Variants in THOC2 observed in about 807,000 individuals in gnomAD.
THOC2 encodes THO complex subunit 2.
THOC2 carries 10 observed loss-of-function variants against 128.4 expected under a neutral mutation model. The observed-to-expected ratio is 0.08, with a 90% CI of 0.05 to 0.13. The LOEUF is 0.13. Among genes scored for constraint, THOC2 ranks in the 10% least tolerant of loss-of-function variants. THOC2 has a pLI of 1.00. For synonymous variants in THOC2, 393 were observed against 396.9 expected (o/e 0.99, Z 0.12); for missense variants, 535 against 1,155.7 (o/e 0.46, Z 7.79).
intron 4 of THOC2, among the ~76,000 whole-genome samples, chrX:123,702,963 GA>G (rs2050767533): frequency 1.8e-5 from 2 of 110,939 alleles, no homozygotes; most frequent in Non-Finnish European, 3.8e-5. Context: ...ATTTATTCTG[GA>G]AAAATAAAGA....
chrX:123,644,603 T>A lies in THOC2; in HGVS notation c.1633A>T (p.Thr545Ser), dbSNP rs1327349374. 8.3e-7 allele frequency: 1 copy of A among 1,202,756 alleles called. No homozygotes were observed. Among genetic ancestry groups the A allele is most frequent in the Non-Finnish European group, 1.1e-6 (1 of 889,553 alleles). Residue 545 changes from threonine (T) to serine (S), a missense_variant, in exon 15 of 39, where the codon ACA becomes TCA. Thr to Ser is a moderately conservative substitution (Grantham distance 58, BLOSUM62 1). Transcript: ENST00000245838. ...HPLLVKVKAQ[T>S]IDRAKYIMKR... is the part of the protein sequence containing the mutation. ...ATGATATATTTGGCTCTGTCTATTG[T>A]TTGAGCTTTAACTTTTACTAAAAGT...
At chrX:123,627,991 C>T (rs1165117076) in intron 22 of THOC2, 23 bp from the exon 23 acceptor site, 2 of 1,070,753 alleles carry the variant, frequency 1.9e-6, no homozygotes, top group African/African-American at 1.8e-5. Flanking sequence ...AGTAAAAATA[C>T]ATACATACAT....
At chrX:123,663,924 C>T (rs2048947563) in intron 12 of THOC2, among the ~76,000 whole-genome samples, 1 of 111,267 alleles carries the variant, frequency 9.0e-6, no homozygotes, top group African/African-American at 3.3e-5. Flanking sequence ...CAGCTTCATC[C>T]ATGTCCCTGC....
chrX:123,639,580 G>T (rs1027182697), intron 16 of THOC2, among the ~76,000 whole-genome samples: 9 of 111,265 alleles, frequency 8.1e-5, no homozygotes, highest in Non-Finnish European at 1.7e-4. Flanking sequence ...ACTGATTTTT[G>T]TATGTTGATT....
intron 38 of THOC2, chrX:123,601,732 A>G (rs1233770984): frequency 2.7e-5 from 3 of 109,718 alleles, no homozygotes; most frequent in Non-Finnish European, 5.7e-5. Context: ...CGTGTGGGAG[A>G]GAGGGGTGGG....
At chrX:123,715,700 A>T (rs2147963096) in intron 1 of THOC2, among the ~76,000 whole-genome samples, 1 of 106,712 alleles carries the variant, frequency 9.4e-6, no homozygotes, top group South Asian at 4.3e-4. Context: ...CGGGAGGATC[A>T]CTTGAGCCCA....
At chrX:123,675,189 G>A (rs1188541745) in intron 8 of THOC2, among the ~76,000 whole-genome samples, 1 of 111,560 alleles carries the variant, frequency 9.0e-6, no homozygotes, top group African/African-American at 3.3e-5. Flanking sequence ...CCTCTACAGT[G>A]AATTTCTTAT....
chrX:123,717,863 T>C (rs1481367860), intron 1 of THOC2, among the ~76,000 whole-genome samples: 1 of 112,573 alleles, frequency 8.9e-6, no homozygotes, highest in Non-Finnish European at 1.9e-5. Context: ...AAGTCCCTTA[T>C]ATATGGCATA....
intron 12 of THOC2, among the ~76,000 whole-genome samples, chrX:123,657,608 C>T (rs2048652263): frequency 9.4e-6 from 1 of 106,373 alleles, no homozygotes. Flanking sequence ...AGAAACTATG[C>T]AAGCAGAGTG....
intron 11 of THOC2, 139 bp downstream of exon 11, chrX:123,666,967 C>A (rs914769738): frequency 7.0e-6 from 3 of 428,346 alleles, no homozygotes; most frequent in Non-Finnish European, 1.2e-5. Context: ...CAGACTGATA[C>A]ACTCTGTGAA....
intron 1 of THOC2, among the ~76,000 whole-genome samples, chrX:123,715,891 AAAG>A (rs1171135213): frequency 9.0e-6 from 1 of 111,639 alleles, no homozygotes; most frequent in Non-Finnish European, 1.9e-5. Flanking sequence ...GACATTCAAT[AAAG>A]AAAAAGAAAA....
chrX:123,665,071 G>A lies in THOC2; in HGVS notation c.1386+571C>T, dbSNP rs770463508. ...TGTGAGGGACTTGACTAATAATCTC[G>A]CTAGATTTGGGTTTATATTAATATA... is the stretch of plus-strand genomic sequence containing the variant. On this transcript the variant is annotated intron_variant, in intron 12 of 38. Coordinates refer to ENST00000245838, the MANE Select transcript of THOC2 (RefSeq NM_001081550.2). Among the ~76,000 whole-genome samples, 191 of 111,071 alleles carry A rather than the reference G, an allele frequency of 1.7e-3. 2 individuals carry two copies. The highest frequency in any genetic ancestry group is 1.3e-3 in the Non-Finnish European group (71 of 53,008).
At chrX:123,673,446 CA>C (rs909432339) in intron 8 of THOC2, among the ~76,000 whole-genome samples, 8 of 112,081 alleles carry the variant, frequency 7.1e-5, no homozygotes, top group African/African-American at 2.6e-4. Context: ...AACAAACTCA[CA>C]AAAGCTTATT....
Position 123,686,606 on chromosome X carries a change from C to T in THOC2, c.710G>A (p.Ser237Asn). Residue 237 changes from serine (S) to asparagine (N), a missense_variant, in exon 8 of 39, where the codon AGT (serine) becomes AAT (asparagine). Ser to Asn is a conservative substitution (Grantham distance 46, BLOSUM62 1). Transcript: ENST00000245838. ...FFISLLESYM[S>N]MCEPQTLCHI... ...ACACAGTGTTTGCGGTTCACACATACTCATGTAAGATTCTAACAAAGATAT... is the reference window on the plus strand; with the variant it reads ...ACACAGTGTTTGCGGTTCACACATATTCATGTAAGATTCTAACAAAGATAT... 2 of 1,208,474 alleles carry T rather than the reference C, an allele frequency of 1.7e-6. No individual in the cohort carries two copies. Among genetic ancestry groups the T allele is most frequent in the South Asian group, 3.6e-5 (2 of 56,264 alleles).
At chrX:123,715,400 A>G (rs1304020012) in intron 1 of THOC2, among the ~76,000 whole-genome samples, 1 of 110,879 alleles carries the variant, frequency 9.0e-6, no homozygotes, top group Non-Finnish European at 1.9e-5. Flanking sequence ...GGAACTAGAA[A>G]AAGAAGAATA....
intron 33 of THOC2, among the ~76,000 whole-genome samples, chrX:123,615,559 A>T (rs1352833599): frequency 1.8e-5 from 2 of 109,269 alleles, no homozygotes; most frequent in Non-Finnish European, 3.8e-5. Context: ...TCTTAACATT[A>T]TTTATGAAAA....
chrX:123,663,027 A>G (rs970742757), intron 12 of THOC2, among the ~76,000 whole-genome samples: 7 of 112,140 alleles, frequency 6.2e-5, no homozygotes, highest in African/African-American at 2.3e-4. Context: ...AATGGTACAG[A>G]TGCTTTGGAA....
intron 15 of THOC2, among the ~76,000 whole-genome samples, chrX:123,641,222 T>C (rs1257948951): frequency 2.7e-5 from 3 of 112,337 alleles, no homozygotes; most frequent in Non-Finnish European, 5.6e-5. Flanking sequence ...GCAAATTTTA[T>C]CTATGAATTC....
At chrX:123,618,633 AGAG>A (rs1046827701) in intron 33 of THOC2, among the ~76,000 whole-genome samples, 3 of 111,917 alleles carry the variant, frequency 2.7e-5, no homozygotes, top group South Asian at 3.7e-4. Flanking sequence ...GTAGCTTGTA[AGAG>A]GAGGCAAAGT....
Sources: allele counts gnomAD v4.1 joint callset (sites outside exome capture counted in the v4.1 genomes callset), GRCh38; gene constraint gnomAD v4.1.1; transcripts MANE v1.5; gene names NCBI Gene and HGNC (gene_info 2026-07-23, HGNC 2026-07-21).